The following LHX2 variants were observed in gnomAD, a reference collection of about 807,000 sequenced individuals.
The protein encoded by LHX2 is LIM homeobox 2.
LHX2 carries 6 observed loss-of-function variants against 33.0 expected under a neutral mutation model. The ratio of observed to expected loss-of-function variants is 0.18; its 90% CI spans 0.10 to 0.36. The LOEUF is 0.36. LHX2 is among the 10% of genes least tolerant of loss of function. The pLI is 1.00. For missense variants in LHX2, 442 were observed against 586.2 expected, an observed-to-expected ratio of 0.75 and a Z score of 2.54; for synonymous variants, 292 against 253.1, an observed-to-expected ratio of 1.15 and a Z score of -1.46.
In LHX2 at chr9:124,015,514, C is replaced by T; in HGVS notation, c.716C>T (p.Ala239Val). 6.8e-7 allele frequency: 1 copy of T among 1,464,036 alleles called. No individual in the cohort carries two copies. The allele number at this position is 1,464,036 out of a possible 1,614,324, so 90.7% of individuals were successfully genotyped here. ...KSPGPGADLAAYNAALSCNEN... is the reference protein window; with the variant it reads ...KSPGPGADLAVYNAALSCNEN... ...CCGGGCCCCGGTGCGGATCTGGCGG[C>T]CTACAACGCTGGTGAGTGCGCGGCG... The change falls in exon 3 of 5, where the codon GCC (alanine) becomes GTC (valine). Residue 239 changes from alanine to valine, a missense_variant. Transcript: ENST00000373615. This position sits in a 1 kb window ranked among gnomAD's most constrained non-coding sequence, Gnocchi z 7.9.
rs1419310567 is a variant in LHX2, at chr9:124,013,956, C to A, written c.121-5C>A. The A allele has an allele frequency of 6.2e-7, 1 of 1,611,272 alleles. No individual in the cohort carries two copies. Among genetic ancestry groups the A allele is most frequent in the Non-Finnish European group, 8.5e-7 (1 of 1,179,132 alleles). On this transcript the variant is annotated splice_polypyrimidine_tract_variant and splice_region_variant and intron_variant, in intron 1 of 4. Coordinates refer to ENST00000373615, the MANE Select transcript of LHX2 (RefSeq NM_004789.4). ...CTGCTGTCTTCCGCCTCCCTCCCTTCGCAGACCATGCCGTCCATCAGCAGT... is the reference window on the plus strand; with the variant it reads ...CTGCTGTCTTCCGCCTCCCTCCCTTAGCAGACCATGCCGTCCATCAGCAGT...
chr9:124,018,974 A>G (rs1000414233), intron 3 of LHX2, among the ~76,000 whole-genome samples: 2 of 152,132 alleles, frequency 1.3e-5, no homozygotes, highest in African/African-American at 4.8e-5. Context: ...AGCCAGGCCC[A>G]GGCGGGGGCT....
intron 3 of LHX2, among the ~76,000 whole-genome samples, chr9:124,017,169 C>A (rs887446974): frequency 1.3e-5 from 2 of 152,170 alleles, no homozygotes; most frequent in African/African-American, 4.8e-5. Flanking sequence ...TCCATTCAGC[C>A]ATCTCACTTT....
At chr9:124,022,847 C>G (rs888782518) in intron 4 of LHX2, among the ~76,000 whole-genome samples, 1 of 152,126 alleles carries the variant, frequency 6.6e-6, no homozygotes, top group Non-Finnish European at 1.5e-5. Flanking sequence ...GCGCTGCCCA[C>G]GGGGAGCGGG....
chr9:124,013,842 C>T, intron 1 of LHX2, 119 bp from the exon 2 acceptor site: 1 of 867,242 alleles, frequency 1.2e-6, no homozygotes, highest in African/African-American at 1.7e-5. Flanking sequence ...TCCTGGCAGC[C>T]CCCTCCGCGT....
intron 4 of LHX2, among the ~76,000 whole-genome samples, chr9:124,023,098 G>A (rs1859322798): frequency 6.6e-6 from 1 of 152,182 alleles, no homozygotes; most frequent in African/African-American, 2.4e-5. Context: ...GACCCTCTTT[G>A]GCGTCCCCTC....
chr9:124,031,201 GC>G (rs1828700351), intron 4 of LHX2, among the ~76,000 whole-genome samples: 1 of 152,144 alleles, frequency 6.6e-6, no homozygotes, highest in Non-Finnish European at 1.5e-5. Context: ...TTCCCACGCT[GC>G]CTACCTCCAC....
At chr9:124,031,455 G>GA (rs1254858233) in intron 4 of LHX2, among the ~76,000 whole-genome samples, 2,270 of 134,254 alleles carry the variant, frequency 0.017, 44 homozygotes, top group African/African-American at 0.056. Context: ...AAAGGAAAAA[G>GA]AAAAAAAAAA....
chr9:124,021,121 C>T lies in LHX2; in HGVS notation c.750C>T (p.Asp250=), dbSNP rs1175679424. Residue 250 remains aspartate (D), a synonymous_variant, in exon 4 of 5, where the codon GAC becomes GAT. Transcript: ENST00000373615. ...TAGCGCTAAGCTGCAACGAAAACGA[C>T]GCAGAGCACCTGGACCGTGACCAGC... The part of the protein sequence containing the change: ...YNAALSCNEN[D]AEHLDRDQPY... The T allele has an allele frequency of 1.9e-6, 3 of 1,614,086 alleles. No homozygotes were observed. The highest frequency in any genetic ancestry group is 2.2e-5 in the South Asian group (2 of 91,084).
In LHX2 at chr9:124,014,482, T is replaced by C. The variant is rs2118747033; in HGVS notation, c.323+319T>C. ...CCCTCTCTCTTTGAAGTTTCTTGAG[T>C]TAATCCGAGGTTATAGAAACAGGCA... On this transcript the variant is annotated intron_variant, in intron 2 of 4. Coordinates refer to ENST00000373615, the MANE Select transcript of LHX2 (RefSeq NM_004789.4). The surrounding 1 kb of genome is among the most constrained non-coding windows in gnomAD (Gnocchi z 4.8). Among the ~76,000 whole-genome samples the C allele has an allele frequency of 6.6e-6, 1 of 152,210 alleles. No homozygotes were observed. Among genetic ancestry groups the C allele is most frequent in the Non-Finnish European group, 1.5e-5 (1 of 68,012 alleles).
Position 124,012,415 on chromosome 9 carries a change from A to T in LHX2, c.67A>T (p.Lys23Ter). Residue 23 changes from lysine to a stop codon, truncating the protein, a stop_gained, in exon 1 of 5, where the codon AAG (lysine) becomes TAG (stop). Coordinates refer to ENST00000373615, the MANE Select transcript of LHX2 (RefSeq NM_004789.4). LOFTEE classifies it high-confidence loss of function. The surrounding 1 kb of genome is among the most constrained non-coding windows in gnomAD (Gnocchi z 4.3). ...CATCGACGAGATGGACCGCAGGGCC[A>T]AGAGCGAGGCTCCCGCCATCAGCTC... ...GVIDEMDRRAKSEAPAISSAI... is the reference protein window; with the variant it reads ...GVIDEMDRRA 2.0e-6 allele frequency: 3 copies of T among 1,537,058 alleles called. No homozygotes were observed. The highest frequency in any genetic ancestry group is 2.6e-6 in the Non-Finnish European group (3 of 1,147,256).
At position 124,032,795 on chromosome 9, in the gene LHX2, A is replaced by G. The variant is rs1243286567; in HGVS notation, c.*88A>G. 8.0e-6 allele frequency: 11 copies of G among 1,381,802 alleles called. No individual in the cohort carries two copies. Among genetic ancestry groups the G allele is most frequent in the Non-Finnish European group, 6.9e-6 (7 of 1,019,804 alleles). The allele number at this position is 1,381,802 out of a possible 1,614,324, so 85.6% of individuals were successfully genotyped here. A position where few individuals can be genotyped will look rare whatever the true frequency, so the allele number is the denominator to read the frequency against. Reference sequence around the variant, plus strand: ...AGTGTATTTTAAAATAGAGGCTTTGAGCAACTAACTAACCACATTTTAGGA... The same window carrying G: ...AGTGTATTTTAAAATAGAGGCTTTGGGCAACTAACTAACCACATTTTAGGA... On this transcript the variant is annotated 3_prime_UTR_variant, in exon 5 of 5. Coordinates refer to ENST00000373615, the MANE Select transcript of LHX2 (RefSeq NM_004789.4). This position sits in a 1 kb window ranked among gnomAD's most constrained non-coding sequence, Gnocchi z 4.1.
intron 3 of LHX2, among the ~76,000 whole-genome samples, chr9:124,017,841 C>T (rs1288283615): frequency 6.6e-6 from 1 of 152,076 alleles, no homozygotes; most frequent in African/African-American, 2.4e-5. Context: ...GGCCTCTTCC[C>T]GCAGCCCCTC....
intron 4 of LHX2, among the ~76,000 whole-genome samples, chr9:124,031,456 A>T (rs562170637): frequency 7.2e-6 from 1 of 138,690 alleles, no homozygotes; most frequent in South Asian, 2.2e-4. Context: ...AAGGAAAAAG[A>T]AAAAAAAAAA....
chr9:124,027,359 G>C (rs1828640637), intron 4 of LHX2, among the ~76,000 whole-genome samples: 1 of 152,298 alleles, frequency 6.6e-6, no homozygotes, highest in Non-Finnish European at 1.5e-5. Context: ...GTGGTTAAGG[G>C]CATAGAACCA....
chr9:124,020,087 G>T (rs1445890370), intron 3 of LHX2, among the ~76,000 whole-genome samples: 2 of 152,206 alleles, frequency 1.3e-5, no homozygotes, highest in South Asian at 2.1e-4. Context: ...AGGCTCAACA[G>T]ATCAAGATCA....
At chr9:124,019,762 C>T (rs1299800669) in intron 3 of LHX2, among the ~76,000 whole-genome samples, 1 of 152,122 alleles carries the variant, frequency 6.6e-6, no homozygotes, top group Non-Finnish European at 1.5e-5. Flanking sequence ...CACAAGATAC[C>T]TTCTCAGTTC....
intron 4 of LHX2, among the ~76,000 whole-genome samples, chr9:124,030,568 T>TG (rs1828691455): frequency 6.6e-6 from 1 of 151,976 alleles, no homozygotes; most frequent in Middle Eastern, 3.2e-3. Context: ...GTGTTTGTGC[T>TG]GTTAGATGGG....
intron 4 of LHX2, among the ~76,000 whole-genome samples, chr9:124,031,353 G>T (rs962189335): frequency 6.6e-6 from 1 of 151,808 alleles, no homozygotes; most frequent in South Asian, 2.1e-4. Context: ...GTTCTTTATC[G>T]CATTCCCAGA....
Sources: gnomAD v4.1 joint callset for allele counts (sites outside exome capture counted in the v4.1 genomes callset) on GRCh38, gnomAD v4.1.1 for gene constraint, Gnocchi (gnomAD v3.1) non-coding constraint, MANE v1.5 for transcripts, NCBI Gene and HGNC (gene_info 2026-07-23, HGNC 2026-07-21) for gene names.